Variants in ANO3 observed in about 807,000 individuals in gnomAD.
ANO3 encodes anoctamin-3.
Under a neutral mutation model 144.8 loss-of-function variants are expected in ANO3, and 99 were observed. The ratio of observed to expected loss-of-function variants is 0.68; its 90% CI spans 0.58 to 0.81. ANO3 has a LOEUF of 0.81. Among genes scored for constraint, ANO3 ranks in the 30% least tolerant of loss-of-function variants. ANO3 has a pLI of 0.00. For synonymous variants in ANO3, 414 were observed against 392.6 expected, an observed-to-expected ratio of 1.05 and a Z score of -0.64; for missense variants, 905 against 1,202.2, an observed-to-expected ratio of 0.75 and a Z score of 3.66.
chr11:26,468,799 A>C (rs1045250954), intron 4 of ANO3, among the ~76,000 whole-genome samples: 2 of 152,002 alleles, frequency 1.3e-5, no homozygotes, highest in African/African-American at 4.8e-5. Context: ...TTAATGGACA[A>C]GATTATACAT....
At chr11:26,408,773 C>T (rs1304741536) in intron 1 of ANO3, among the ~76,000 whole-genome samples, 2 of 151,664 alleles carry the variant, frequency 1.3e-5, no homozygotes, top group South Asian at 2.1e-4. Flanking sequence ...GGCGCATATA[C>T]ACCATGGAAT....
chr11:26,615,719 C>T (rs552597732), intron 17 of ANO3, among the ~76,000 whole-genome samples: 1 of 152,076 alleles, frequency 6.6e-6, no homozygotes, highest in Non-Finnish European at 1.5e-5. Context: ...ACTCATATTT[C>T]TTCTTGCAAA....
intron 17 of ANO3, among the ~76,000 whole-genome samples, chr11:26,600,938 G>A (rs1311114368): frequency 2.0e-5 from 3 of 152,026 alleles, no homozygotes; most frequent in African/African-American, 7.2e-5. Flanking sequence ...AATATCCATG[G>A]TTAATGGGAC....
intron 17 of ANO3, among the ~76,000 whole-genome samples, chr11:26,610,347 A>G (rs1171849106): frequency 7.3e-6 from 1 of 136,742 alleles, no homozygotes; most frequent in Non-Finnish European, 1.6e-5. Flanking sequence ...TGACCATTTC[A>G]ATGTCTTTTT....
intron 20 of ANO3, among the ~76,000 whole-genome samples, chr11:26,638,671 C>T (rs1270727660): frequency 2.0e-5 from 3 of 152,108 alleles, no homozygotes; most frequent in Non-Finnish European, 2.9e-5. Context: ...ATGTATGGAG[C>T]GACAGCTAGA....
chr11:26,275,407 G>A (rs1404172147), intron 1 of ANO3, among the ~76,000 whole-genome samples: 1 of 152,050 alleles, frequency 6.6e-6, no homozygotes, highest in East Asian at 1.9e-4. Context: ...CTACAATAAT[G>A]TTTCTAGGAT....
chr11:26,212,812 G>A lies in ANO3; in HGVS notation c.154+23482G>A, dbSNP rs140359358. Among the ~76,000 whole-genome samples, 504 of 152,054 alleles carry A rather than the reference G, an allele frequency of 3.3e-3. 5 individuals carry two copies. Among genetic ancestry groups the A allele is most frequent in the African/African-American group, 0.01 (435 of 41,478 alleles). ...AGCATCATCCTAATGCCAAAAGCTG[G>A]CAAAGACACAACAAAAAAATGTAAA... On this transcript the variant is annotated intron_variant, in intron 1 of 27. Transcript: ENST00000672621.
chr11:26,349,545 GTTTTTGTT>G (rs1184383146), intron 1 of ANO3, among the ~76,000 whole-genome samples: 7 of 152,006 alleles, frequency 4.6e-5, no homozygotes, highest in Non-Finnish European at 5.9e-5. Context: ...TTGTTTGTTT[GTTTTTGTT>G]TTTTTGTTTT....
At chr11:26,598,472 T>C (rs369193404) in intron 15 of ANO3, 25 bp downstream of exon 15, 722 of 1,488,200 alleles carry the variant, frequency 4.9e-4, no homozygotes, top group Non-Finnish European at 6.1e-4. Context: ...TACAAGGAAA[T>C]AGGGAAACTG....
In ANO3 at chr11:26,273,234, T is replaced by G. The variant is rs549417574; in HGVS notation, c.155-36411T>G. Among the ~76,000 whole-genome samples the G allele has an allele frequency of 2.4e-4, 35 of 146,538 alleles. No individual in the cohort carries two copies. In the South Asian group the frequency reaches 6.8e-3, roughly 28 times the overall value. ...AGGGATTGCCTTTTAAAGTTTTTTT[T>G]TTTTTTTTTTTATATTGGACAATGC... is the stretch of plus-strand genomic sequence containing the variant. On this transcript the variant is annotated intron_variant, in intron 1 of 27. Transcript: ENST00000672621.
intron 5 of ANO3, among the ~76,000 whole-genome samples, chr11:26,512,748 A>C (rs1415627422): frequency 6.6e-6 from 1 of 152,174 alleles, no homozygotes; most frequent in African/African-American, 2.4e-5. Context: ...AGATTATTTT[A>C]CATCCTAGAG....
chr11:26,289,641 TAC>T (rs1222513474), intron 1 of ANO3, among the ~76,000 whole-genome samples: 4 of 69,496 alleles, frequency 5.8e-5, no homozygotes, highest in Admixed American at 1.6e-4. Context: ...TATGTACATA[TAC>T]ACACATATAT....
At chr11:26,478,987 A>G (rs1424529294) in intron 4 of ANO3, among the ~76,000 whole-genome samples, 1 of 152,190 alleles carries the variant, frequency 6.6e-6, no homozygotes, top group Non-Finnish European at 1.5e-5. Flanking sequence ...AAGTCTGTCA[A>G]GTTCATTTTG....
At chr11:26,619,865 C>T (rs984596805) in intron 17 of ANO3, among the ~76,000 whole-genome samples, 2 of 152,220 alleles carry the variant, frequency 1.3e-5, no homozygotes, top group Non-Finnish European at 2.9e-5. Context: ...TCTAGTAATT[C>T]TTATCCAGCC....
At chr11:26,495,915 C>T (rs536843692) in intron 4 of ANO3, among the ~76,000 whole-genome samples, 2 of 152,134 alleles carry the variant, frequency 1.3e-5, no homozygotes, top group Non-Finnish European at 2.9e-5. Flanking sequence ...TGTGAATTTT[C>T]CTAATTTCCA....
intron 6 of ANO3, among the ~76,000 whole-genome samples, chr11:26,521,014 A>C (rs1414891169): frequency 7.0e-6 from 1 of 142,282 alleles, no homozygotes; most frequent in Non-Finnish European, 1.5e-5. Context: ...AGATCTTCCC[A>C]GACCAGTTTA....
chr11:26,236,079 A>G (rs1182245807), intron 1 of ANO3, among the ~76,000 whole-genome samples: 1 of 152,228 alleles, frequency 6.6e-6, no homozygotes, highest in African/African-American at 2.4e-5. Flanking sequence ...TACTGACTGT[A>G]GAACTCCCAT....
At chr11:26,389,694 T>C (rs1856826492) in intron 1 of ANO3, among the ~76,000 whole-genome samples, 1 of 152,086 alleles carries the variant, frequency 6.6e-6, no homozygotes, top group Non-Finnish European at 1.5e-5. Context: ...GTTTGCTAAT[T>C]TTGTCTAAAA....
chr11:26,456,755 G>A (rs1286114800), intron 3 of ANO3, among the ~76,000 whole-genome samples: 4 of 128,778 alleles, frequency 3.1e-5, no homozygotes, highest in Admixed American at 8.0e-5. Flanking sequence ...AAATCATGCT[G>A]CTATAAAGAC....
Sources: allele counts gnomAD v4.1 joint callset (sites outside exome capture counted in the v4.1 genomes callset), GRCh38; gene constraint gnomAD v4.1.1; transcripts MANE v1.5; gene names NCBI Gene and HGNC (gene_info 2026-07-23, HGNC 2026-07-21).